KCNH5: variants seen among roughly 807,000 people sequenced by gnomAD.
The protein encoded by KCNH5 is voltage-gated delayed rectifier potassium channel KCNH5.
KCNH5 carries 46 observed loss-of-function variants against 96.1 expected under a neutral mutation model. The ratio of observed to expected loss-of-function variants is 0.48; its 90% CI spans 0.38 to 0.61. KCNH5 has a LOEUF of 0.61. KCNH5 is among the 20% of genes least tolerant of loss of function. The probability of loss-of-function intolerance (pLI) is 0.00; values close to 1 mark genes in which losing one functional copy is unlikely to be tolerated. For missense variants in KCNH5, 907 were observed against 1,225.8 expected (o/e 0.74, Z 3.88); for synonymous variants, 439 against 449.8 (o/e 0.98, Z 0.30).
chr14:63,007,350 G>A (rs993755914), intron 2 of KCNH5, among the ~76,000 whole-genome samples: 5 of 152,104 alleles, frequency 3.3e-5, no homozygotes, highest in South Asian at 4.1e-4. Context: ...GACAATTTTC[G>A]AGAAGATAGA....
intron 7 of KCNH5, among the ~76,000 whole-genome samples, chr14:62,899,624 G>A (rs370021786): frequency 6.6e-5 from 10 of 151,890 alleles, no homozygotes; most frequent in African/African-American, 9.7e-5. Context: ...GAGGTCAGGA[G>A]ATCGAGACCA....
chr14:62,750,128 C>T (rs1885465755), intron 10 of KCNH5, among the ~76,000 whole-genome samples: 1 of 152,150 alleles, frequency 6.6e-6, no homozygotes, highest in Admixed American at 6.5e-5. Flanking sequence ...GGTATGCTCC[C>T]CTGTGCTGAA....
intron 6 of KCNH5, among the ~76,000 whole-genome samples, chr14:62,977,872 T>C (rs1890530978): frequency 6.6e-6 from 1 of 152,166 alleles, no homozygotes; most frequent in South Asian, 2.1e-4. Flanking sequence ...TGGACTACAA[T>C]GCAGTTCTAA....
In KCNH5 at chr14:62,754,717, C is replaced by CA. The variant is rs552596130; in HGVS notation, c.2019+25010dup. ...CAAAATCCCATCTCTACTAAAAATA[C>CA]AAAAAAAAATAGTCAAGCATGGGGG... On this transcript the variant is annotated intron_variant, in intron 10 of 10. Coordinates refer to ENST00000322893, the MANE Select transcript of KCNH5 (RefSeq NM_139318.5). Among the ~76,000 whole-genome samples the CA allele has an allele frequency of 1.4e-3, 207 of 149,088 alleles. 1 individual carries two copies. Among genetic ancestry groups the CA allele is most frequent in the Middle Eastern group, 0.014 (4 of 292 alleles).
At chr14:62,901,483 G>T (rs1483465897) in intron 7 of KCNH5, among the ~76,000 whole-genome samples, 1 of 152,104 alleles carries the variant, frequency 6.6e-6, no homozygotes, top group Non-Finnish European at 1.5e-5. Flanking sequence ...GCAGTATTTA[G>T]TTTTCTGTTC....
chr14:62,795,009 G>C (rs1309815506), intron 9 of KCNH5, among the ~76,000 whole-genome samples: 1 of 152,100 alleles, frequency 6.6e-6, no homozygotes, highest in East Asian at 1.9e-4. Flanking sequence ...GAACAAGAAA[G>C]GAGCAACTTA....
chr14:62,845,740 GA>G (rs60355752), intron 8 of KCNH5, among the ~76,000 whole-genome samples: 15,261 of 152,146 alleles, frequency 0.1, 1,064 homozygotes, highest in East Asian at 0.29. Flanking sequence ...ATTTCAATGG[GA>G]AAAAAATGTG....
At chr14:62,933,767 T>C (rs926993884) in intron 7 of KCNH5, among the ~76,000 whole-genome samples, 1 of 152,190 alleles carries the variant, frequency 6.6e-6, no homozygotes, top group African/African-American at 2.4e-5. Flanking sequence ...ATGTATGTAT[T>C]ACCTCGATCT....
rs1885914959 is a variant in KCNH5 at position 62,768,548 on chromosome 14, G to A, written c.2019+11180C>T. Among the ~76,000 whole-genome samples the A allele has an allele frequency of 1.3e-5, 2 of 152,146 alleles. 1 individual carries two copies. The highest frequency in any genetic ancestry group is 4.1e-4 in the South Asian group (2 of 4,830). On this transcript the variant is annotated intron_variant, in intron 10 of 10. Transcript: ENST00000322893. The stretch of plus-strand genomic sequence containing the variant: ...ATGCATTATGGTGAGGCAGGACTCA[G>A]ACCTAAAATAAAAACAAATGTCTCA...
intron 7 of KCNH5, among the ~76,000 whole-genome samples, chr14:62,872,937 T>A (rs1266053133): frequency 2.0e-5 from 3 of 151,828 alleles, no homozygotes; most frequent in Non-Finnish European, 2.9e-5. Context: ...GATCACGAGG[T>A]CAGGAGATCG....
chr14:62,912,037 C>CAAAAAAA (rs1163755853), intron 7 of KCNH5, among the ~76,000 whole-genome samples: 11 of 79,616 alleles, frequency 1.4e-4, no homozygotes, highest in East Asian at 3.5e-4. Context: ...GACTCCTAAT[C>CAAAAAAA]AAAAAAAAAA....
Position 62,779,860 on chromosome 14 carries a change from G to A in KCNH5, c.1887C>T (p.Asn629=), listed in dbSNP as rs373387419. 22 of 1,613,466 alleles carry A rather than the reference G, an allele frequency of 1.4e-5. No homozygotes were observed. The highest frequency in any genetic ancestry group is 1.7e-5 in the Non-Finnish European group (20 of 1,179,722). The change falls in exon 10 of 11, where the codon AAC becomes AAT. Residue 629 remains asparagine (N), a synonymous_variant. Transcript: ENST00000322893. ...GGTCACAGTACGTCAGTGCCCGGAC[G>A]TTCGCACATGCATGGGCAAGGGTGG... ...KETTLAHACA[N]VRALTYCDLH... is the part of the protein sequence containing the mutation.
intron 9 of KCNH5, among the ~76,000 whole-genome samples, chr14:62,782,780 C>A (rs1305300748): frequency 6.6e-6 from 1 of 151,992 alleles, no homozygotes; most frequent in East Asian, 1.9e-4. Context: ...CACTGCACTC[C>A]AGCCTGGATG....
chr14:62,917,161 G>GT (rs1216608042), intron 7 of KCNH5, among the ~76,000 whole-genome samples: 3 of 152,174 alleles, frequency 2.0e-5, no homozygotes, highest in African/African-American at 7.2e-5. Context: ...CATAGTCAGT[G>GT]TAAGATCTGC....
intron 4 of KCNH5, among the ~76,000 whole-genome samples, chr14:62,993,300 T>G (rs553518268): frequency 6.6e-6 from 1 of 152,022 alleles, no homozygotes; most frequent in Non-Finnish European, 1.5e-5. Context: ...CTATTTGGGG[T>G]TTTTTTAGTT....
chr14:62,840,737 T>A (rs1216361547), intron 8 of KCNH5, among the ~76,000 whole-genome samples: 5 of 151,768 alleles, frequency 3.3e-5, no homozygotes, highest in Non-Finnish European at 7.4e-5. Context: ...ATCCAGCTAA[T>A]TTTTGTATTT....
chr14:62,953,024 TAGAG>T (rs952348841), intron 6 of KCNH5, among the ~76,000 whole-genome samples: 3 of 151,914 alleles, frequency 2.0e-5, no homozygotes, highest in Admixed American at 1.3e-4. Context: ...CAGTTTTATA[TAGAG>T]AGAGAGCATT....
chr14:62,779,990 T>C lies in KCNH5; in HGVS notation c.1823-66A>G, dbSNP rs557547864. 4.9e-5 allele frequency: 66 copies of C among 1,348,564 alleles called. No homozygotes were observed. In the African/African-American group the frequency reaches 9.0e-4, roughly 18 times the overall value. The allele number at this position is 1,348,564 out of a possible 1,614,324, so 83.5% of individuals were successfully genotyped here. On this transcript the variant is annotated intron_variant, in intron 9 of 10. Transcript: ENST00000322893. Reference sequence around the variant, plus strand: ...TGTTCTTATTTAATCACTCTTGTTATTCAGTTTCATATACAGTATTGACCT... The same window carrying C: ...TGTTCTTATTTAATCACTCTTGTTACTCAGTTTCATATACAGTATTGACCT...
At chr14:62,804,555 G>C (rs1277821488) in intron 8 of KCNH5, among the ~76,000 whole-genome samples, 1 of 152,098 alleles carries the variant, frequency 6.6e-6, no homozygotes, top group Non-Finnish European at 1.5e-5. Flanking sequence ...GAAAAAAGTG[G>C]TATGATGGGA....
Sources: gnomAD v4.1 joint callset for allele counts (sites outside exome capture counted in the v4.1 genomes callset) on GRCh38, gnomAD v4.1.1 for gene constraint, MANE v1.5 for transcripts, NCBI Gene and HGNC (gene_info 2026-07-23, HGNC 2026-07-21) for gene names.